NUDT4: variants seen among roughly 807,000 people sequenced by gnomAD.
NUDT4 encodes nudix hydrolase 4.
A neutral mutation model predicts 23.1 loss-of-function variants in NUDT4; 5 were observed. That is an observed-to-expected ratio of 0.22 (90% CI 0.11 to 0.46). NUDT4 has a LOEUF of 0.46. Among genes scored for constraint, NUDT4 ranks in the 20% least tolerant of loss-of-function variants. The probability of loss-of-function intolerance (pLI) is 0.99; values close to 1 mark genes in which losing one functional copy is unlikely to be tolerated. For synonymous variants in NUDT4, 50 were observed against 79.0 expected (o/e 0.63, Z 1.95); for missense variants, 96 against 211.6 (o/e 0.45, Z 3.39).
chr12:93,391,302 C>T (rs1317700787), intron 1 of NUDT4, among the ~76,000 whole-genome samples: 1 of 151,996 alleles, frequency 6.6e-6, no homozygotes, highest in African/African-American at 2.4e-5. Flanking sequence ...TGGTGGCTTA[C>T]TCCTGTAATC....
chr12:93,395,611 C>A (rs2120953625), intron 3 of NUDT4, 78 bp downstream of exon 3: 1 of 1,107,352 alleles, frequency 9.0e-7, no homozygotes, highest in Non-Finnish European at 1.4e-6. Flanking sequence ...AATGTGGCAG[C>A]AGCCTGAACC....
Position 93,405,562 on chromosome 12 carries a change from G to A in NUDT4, c.*6183G>A, listed in dbSNP as rs1249623532. 1 of 108,724 alleles carries A rather than the reference G, an allele frequency of 9.2e-6. No homozygotes were observed. Among genetic ancestry groups the A allele is most frequent in the Non-Finnish European group, 1.8e-5 (1 of 54,328 alleles). The allele number at this position is 108,724 out of a possible 1,614,324, so 6.7% of individuals were successfully genotyped here. On this transcript the variant is annotated 3_prime_UTR_variant, in exon 5 of 5. Coordinates refer to ENST00000415493, the MANE Select transcript of NUDT4 (RefSeq NM_019094.6). ...AAAATTTTAGTCCAGCTCCCAGCATGGCAGCTAATGGCAAGTTAGTACCAT... is the reference window on the plus strand; with the variant it reads ...AAAATTTTAGTCCAGCTCCCAGCATAGCAGCTAATGGCAAGTTAGTACCAT...
intron 1 of NUDT4, among the ~76,000 whole-genome samples, chr12:93,386,579 C>CA (rs796118876): frequency 0.036 from 4,846 of 133,338 alleles, 248 homozygotes; most frequent in African/African-American, 0.12. Context: ...GACCCTGTTT[C>CA]AAAAAAAAAA....
intron 3 of NUDT4, among the ~76,000 whole-genome samples, chr12:93,397,952 A>G (rs986607002): frequency 4.6e-5 from 7 of 152,208 alleles, no homozygotes; most frequent in African/African-American, 1.7e-4. Flanking sequence ...TGTCAGGATT[A>G]GCCCCAGGGA....
intron 3 of NUDT4, 27 bp downstream of exon 3, chr12:93,395,560 G>C: frequency 6.4e-7 from 1 of 1,555,934 alleles, no homozygotes; most frequent in Non-Finnish European, 8.9e-7. Flanking sequence ...TCTTCACTTT[G>C]CTGATAATAG....
chr12:93,399,534 CTT>C lies in NUDT4; in HGVS notation c.*161_*162del, dbSNP rs1166338150. On this transcript the variant is annotated 3_prime_UTR_variant, in exon 5 of 5. Coordinates refer to ENST00000415493, the MANE Select transcript of NUDT4 (RefSeq NM_019094.6). ...GCATGTTTTTCAGATGCTTTCAAATCTTTTTTTAAAAAAATAGTGTAAAATAT... is the reference window on the plus strand; with the variant it reads ...GCATGTTTTTCAGATGCTTTCAAATCTTTTTAAAAAAATAGTGTAAAATAT... 2 of 396,640 alleles carry C rather than the reference CTT, an allele frequency of 5.0e-6. No individual in the cohort carries two copies. The highest frequency in any genetic ancestry group is 4.7e-5 in the Admixed American group (1 of 21,366). 24.6% of individuals were successfully genotyped at this position (396,640 alleles called of 1,614,324 possible). A position where few individuals can be genotyped will look rare whatever the true frequency, so the allele number is the denominator to read the frequency against.
At chr12:93,379,527 G>C (rs933824450) in intron 1 of NUDT4, among the ~76,000 whole-genome samples, 1 of 152,166 alleles carries the variant, frequency 6.6e-6, no homozygotes, top group Non-Finnish European at 1.5e-5. Context: ...CTTAGTTCTT[G>C]TTATGTTAAC....
At chr12:93,382,702 AG>A (rs1875768049) in intron 1 of NUDT4, among the ~76,000 whole-genome samples, 1 of 107,808 alleles carries the variant, frequency 9.3e-6, no homozygotes, top group Non-Finnish European at 1.9e-5. Flanking sequence ...TTTGAGACAG[AG>A]TCTCGCTCTG....
chr12:93,378,406 C>G lies in NUDT4; in HGVS notation c.84C>G (p.Ser28Arg). 10 of 1,554,196 alleles carry G rather than the reference C, an allele frequency of 6.4e-6. No homozygotes were observed. Among genetic ancestry groups the G allele is most frequent in the Non-Finnish European group, 7.8e-6 (9 of 1,149,536 alleles). Residue 28 changes from serine (S) to arginine (R), a missense_variant, in exon 1 of 5, where the codon AGC (serine) becomes AGG (arginine). Coordinates refer to ENST00000415493, the MANE Select transcript of NUDT4 (RefSeq NM_019094.6). ...GGGCGGCGTGCCTGTGCTTCCGGAG[C>G]GAGCAGGAGGACGAGGTAGGGCGCC... is the stretch of plus-strand genomic sequence containing the variant. ...KKRAACLCFRSEQEDEVLLVS... is the reference protein window; with the variant it reads ...KKRAACLCFRREQEDEVLLVS...
At chr12:93,394,935 G>A (rs1386757775) in intron 2 of NUDT4, among the ~76,000 whole-genome samples, 3 of 151,836 alleles carry the variant, frequency 2.0e-5, no homozygotes, top group Non-Finnish European at 2.9e-5. Context: ...TGCCACCTCC[G>A]CCTCCCAGGT....
intron 1 of NUDT4, 120 bp downstream of exon 1, chr12:93,378,541 C>CCCTCCCTCCTTT: frequency 3.9e-6 from 5 of 1,292,226 alleles, no homozygotes; most frequent in Non-Finnish European, 4.0e-6. Context: ...CCCCCTTCCT[C>CCCTCCCTCCTTT]CCTCCCTCCT....
At position 93,394,854 on chromosome 12, in the gene NUDT4, T is replaced by A. The variant is rs756512627; in HGVS notation, c.210+135T>A. On this transcript the variant is annotated intron_variant, in intron 2 of 4. Transcript: ENST00000415493. Reference sequence around the variant, plus strand: ...AACTTTATTTTTAATTTTAATTTTTTTTTTTATTTTTTGAGATGGAGTCTC... The same window carrying A: ...AACTTTATTTTTAATTTTAATTTTTATTTTTATTTTTTGAGATGGAGTCTC... The A allele has an allele frequency of 4.2e-5, 24 of 567,146 alleles. 1 individual carries two copies. Among genetic ancestry groups the A allele is most frequent in the South Asian group, 1.7e-4 (7 of 41,152 alleles). 35.1% of individuals were successfully genotyped at this position (567,146 alleles called of 1,614,324 possible).
chr12:93,379,936 T>TAA (rs1294678815), intron 1 of NUDT4, among the ~76,000 whole-genome samples: 1 of 152,240 alleles, frequency 6.6e-6, no homozygotes, highest in Non-Finnish European at 1.5e-5. Context: ...ATGATATTCT[T>TAA]AATTGAGTGC....
rs976936808 is a variant in NUDT4 at position 93,404,965 on chromosome 12, C to T, written c.*5586C>T. On this transcript the variant is annotated 3_prime_UTR_variant, in exon 5 of 5. Coordinates refer to ENST00000415493, the MANE Select transcript of NUDT4 (RefSeq NM_019094.6). ...TTTGTTTACAAATCGTCTGTGGGTG[C>T]TTTCTCACTACAATGGCAGAATTCA... 4 of 151,372 alleles carry T rather than the reference C, an allele frequency of 2.6e-5. No homozygotes were observed. The highest frequency in any genetic ancestry group is 6.6e-5 in the Admixed American group (1 of 15,220). The allele number at this position is 151,372 out of a possible 1,614,324, so 9.4% of individuals were successfully genotyped here.
chr12:93,404,110 A>G lies in NUDT4; in HGVS notation c.*4731A>G, dbSNP rs992542732. On this transcript the variant is annotated 3_prime_UTR_variant, in exon 5 of 5. Transcript: ENST00000415493. Reference sequence around the variant, plus strand: ...GAAGTAAATTTTCCTGCTTTTCTCAACTTTTCCTCAAATTCATGTTAGTGA... The same window carrying G: ...GAAGTAAATTTTCCTGCTTTTCTCAGCTTTTCCTCAAATTCATGTTAGTGA... 2 of 152,152 alleles carry G rather than the reference A, an allele frequency of 1.3e-5. No individual in the cohort carries two copies. Among genetic ancestry groups the G allele is most frequent in the African/African-American group, 2.4e-5 (1 of 41,422 alleles). 9.4% of individuals were successfully genotyped at this position (152,152 alleles called of 1,614,324 possible).
chr12:93,389,421 G>A (rs996076978), intron 1 of NUDT4, among the ~76,000 whole-genome samples: 1 of 151,946 alleles, frequency 6.6e-6, no homozygotes, highest in Non-Finnish European at 1.5e-5. Context: ...GCAGTGAGCC[G>A]AGATTCTTAT....
intron 1 of NUDT4, among the ~76,000 whole-genome samples, chr12:93,389,103 T>A (rs1213549483): frequency 6.6e-6 from 1 of 152,232 alleles, no homozygotes; most frequent in Non-Finnish European, 1.5e-5. Flanking sequence ...ACATCTGCCT[T>A]AAGCTAGTAG....
chr12:93,383,112 G>A (rs1875807834), intron 1 of NUDT4, among the ~76,000 whole-genome samples: 1 of 150,082 alleles, frequency 6.7e-6, no homozygotes, highest in East Asian at 2.0e-4. Context: ...TATAGCTCAA[G>A]CTTTTCTCTA....
intron 1 of NUDT4, among the ~76,000 whole-genome samples, chr12:93,393,472 T>A (rs1876708736): frequency 6.6e-6 from 1 of 152,076 alleles, no homozygotes; most frequent in Non-Finnish European, 1.5e-5. Context: ...AGACAAACAT[T>A]TTAAGTTTTG....
Sources: gnomAD v4.1 joint callset for allele counts (sites outside exome capture counted in the v4.1 genomes callset) on GRCh38, gnomAD v4.1.1 for gene constraint, MANE v1.5 for transcripts, NCBI Gene and HGNC (gene_info 2026-07-23, HGNC 2026-07-21) for gene names.